DPF3: variants seen among roughly 807,000 people sequenced by gnomAD.
DPF3 encodes double PHD fingers 3, also known as zinc finger protein DPF3.
Under a neutral mutation model 56.8 loss-of-function variants are expected in DPF3, and 18 were observed. The observed-to-expected ratio is 0.32, with a 90% CI of 0.22 to 0.47. DPF3 has a LOEUF of 0.47. DPF3 is among the 20% of genes least tolerant of loss of function. DPF3 has a pLI of 1.00. For missense variants in DPF3, 403 were observed against 488.8 expected (o/e 0.82, Z 1.65); for synonymous variants, 188 against 180.2 (o/e 1.04, Z -0.35).
intron 3 of DPF3, among the ~76,000 whole-genome samples, chr14:72,732,501 G>A (rs1280358468): frequency 6.6e-6 from 1 of 152,232 alleles, no homozygotes; most frequent in Non-Finnish European, 1.5e-5. Flanking sequence ...GCCTCAGAAA[G>A]GTTGTTCTCT....
chr14:72,892,721 C>T lies in DPF3; in HGVS notation c.32+1336G>A, dbSNP rs1460468138. 5 of 1,003,574 alleles carry T rather than the reference C, an allele frequency of 5.0e-6. No homozygotes were observed. The East Asian group carries it at 3.1e-4, about 62-fold the overall frequency. 62.2% of individuals were successfully genotyped at this position (1,003,574 alleles called of 1,614,324 possible). On this transcript the variant is annotated intron_variant, in intron 1 of 10. Transcript: ENST00000556509. ...AGAATTCGGCATGAACCGCCCCCCACCCGACCTGCACCTCCCTCTGCCACT... is the reference window on the plus strand; with the variant it reads ...AGAATTCGGCATGAACCGCCCCCCATCCGACCTGCACCTCCCTCTGCCACT...
intron 1 of DPF3, among the ~76,000 whole-genome samples, chr14:72,838,908 C>CTTTTTTTTTTTTTTTTTT (rs376458640): frequency 1.7e-4 from 13 of 78,586 alleles, no homozygotes; most frequent in African/African-American, 6.2e-4. Flanking sequence ...CATATATATT[C>CTTTTTTTTTTTTTTTTTT]TTTTTTTTTT....
intron 6 of DPF3, among the ~76,000 whole-genome samples, chr14:72,706,311 C>T (rs1888401378): frequency 6.6e-6 from 1 of 152,200 alleles, no homozygotes; most frequent in South Asian, 2.1e-4. Context: ...AGCCCCTCTT[C>T]GTGTGACCAC....
chr14:72,736,095 T>G (rs747037769), intron 3 of DPF3, among the ~76,000 whole-genome samples: 1 of 152,348 alleles, frequency 6.6e-6, no homozygotes, highest in African/African-American at 2.4e-5. Flanking sequence ...CGGCCACTTA[T>G]GTAATTTTTA....
At chr14:72,684,876 G>C (rs1480305709) in intron 7 of DPF3, among the ~76,000 whole-genome samples, 3 of 152,118 alleles carry the variant, frequency 2.0e-5, no homozygotes, top group Non-Finnish European at 4.4e-5. Context: ...CATGAGGGTG[G>C]GGTCCTCGTA....
chr14:72,626,356 T>C (rs1884828625), intron 9 of DPF3, among the ~76,000 whole-genome samples: 1 of 152,178 alleles, frequency 6.6e-6, no homozygotes, highest in African/African-American at 2.4e-5. Context: ...TTATTCTTCT[T>C]ATATTTCTTT....
intron 9 of DPF3, among the ~76,000 whole-genome samples, chr14:72,620,710 A>G (rs1027665399): frequency 6.6e-6 from 1 of 152,052 alleles, no homozygotes; most frequent in Admixed American, 6.6e-5. Context: ...CTTCTTTTCC[A>G]CAAAGTCTTT....
intron 8 of DPF3, among the ~76,000 whole-genome samples, chr14:72,648,628 G>A (rs1028955993): frequency 2.0e-5 from 3 of 149,412 alleles, no homozygotes; most frequent in African/African-American, 7.4e-5. Flanking sequence ...CACCCACCCA[G>A]CTCCCCGCCT....
chr14:72,771,887 C>T lies in DPF3; in HGVS notation c.39G>A (p.Gly13=), dbSNP rs778798014. The T allele has an allele frequency of 1.9e-6, 3 of 1,583,850 alleles. No homozygotes were observed. The highest frequency in any genetic ancestry group is 2.3e-5 in the South Asian group (2 of 86,806). The change falls in exon 2 of 11, where the codon GGG becomes GGA. Residue 13 remains glycine, a synonymous_variant. Transcript: ENST00000556509. ...CAATGGCTTCCTTGTAGAACTGGTC[C>T]CCGAGCCTGCCAGAGTCAGAGAGTG... ...TVIHNPLKAL[G]DQFYKEAIEH...
At chr14:72,775,371 A>T (rs1216462379) in intron 1 of DPF3, among the ~76,000 whole-genome samples, 1 of 152,218 alleles carries the variant, frequency 6.6e-6, no homozygotes, top group Non-Finnish European at 1.5e-5. Context: ...TATGCTAGTA[A>T]CTCACTTCCA....
At chr14:72,697,391 G>C (rs1369959980) in intron 6 of DPF3, among the ~76,000 whole-genome samples, 1 of 152,174 alleles carries the variant, frequency 6.6e-6, no homozygotes, top group East Asian at 1.9e-4. Context: ...GGACATCAAA[G>C]AGGGGACAGG....
At chr14:72,728,514 C>T (rs1247474373) in intron 4 of DPF3, among the ~76,000 whole-genome samples, 1 of 152,132 alleles carries the variant, frequency 6.6e-6, no homozygotes, top group Non-Finnish European at 1.5e-5. Context: ...CCAGGAAGGT[C>T]ACGCTCATCC....
intron 2 of DPF3, among the ~76,000 whole-genome samples, chr14:72,756,204 A>C (rs369943051): frequency 9.3e-4 from 142 of 152,292 alleles, no homozygotes; most frequent in African/African-American, 3.3e-3. Context: ...CACATACCCC[A>C]CTGAGCAAAC....
chr14:72,771,670 G>C (rs375433988), intron 2 of DPF3, 63 bp downstream of exon 2: 19 of 1,534,922 alleles, frequency 1.2e-5, no homozygotes, highest in Non-Finnish European at 1.7e-5. Context: ...GACAAGCTGC[G>C]GTCCTCCTCC....
intron 1 of DPF3, among the ~76,000 whole-genome samples, chr14:72,840,938 A>C (rs1209539894): frequency 6.6e-6 from 1 of 152,220 alleles, no homozygotes; most frequent in East Asian, 1.9e-4. Context: ...CTGCTCCTAG[A>C]AATACAAATT....
intron 1 of DPF3, among the ~76,000 whole-genome samples, chr14:72,869,906 A>G (rs185998203): frequency 5.2e-4 from 79 of 152,236 alleles, no homozygotes; most frequent in African/African-American, 1.8e-3. Flanking sequence ...GATGGGGGGT[A>G]GGGTGAGCAG....
chr14:72,680,373 A>C (rs1220015865), intron 7 of DPF3, among the ~76,000 whole-genome samples: 3 of 152,352 alleles, frequency 2.0e-5, no homozygotes, highest in East Asian at 3.9e-4. Context: ...GTCCCGCCCC[A>C]GGGCTCCAGG....
intron 3 of DPF3, among the ~76,000 whole-genome samples, chr14:72,745,176 TAA>T (rs1182762796): frequency 1.3e-5 from 2 of 152,190 alleles, no homozygotes; most frequent in African/African-American, 4.8e-5. Context: ...TCCATAAATT[TAA>T]AGAGATGCAA....
intron 8 of DPF3, among the ~76,000 whole-genome samples, chr14:72,634,078 C>T (rs2803966): frequency 0.55 from 83,114 of 152,002 alleles, 23,021 homozygotes; most frequent in East Asian, 0.72. Context: ...AAGCCCCCGA[C>T]AAAATGCAGG....
Sources: gnomAD v4.1 joint callset for allele counts (sites outside exome capture counted in the v4.1 genomes callset) on GRCh38, gnomAD v4.1.1 for gene constraint, MANE v1.5 for transcripts, NCBI Gene and HGNC (gene_info 2026-07-23, HGNC 2026-07-21) for gene names.